The following PCDHGA6 variants were observed in gnomAD, a reference collection of about 807,000 sequenced individuals.
PCDHGA6 encodes the protein protocadherin gamma-A6.
PCDHGA6 carries 41 observed loss-of-function variants against 60.6 expected under a neutral mutation model. The ratio of observed to expected loss-of-function variants is 0.68; its 90% CI spans 0.53 to 0.88. PCDHGA6 has a LOEUF of 0.88. PCDHGA6 is among the 40% of genes least tolerant of loss of function. The pLI, the probability that PCDHGA6 is intolerant of heterozygous loss-of-function variation, is 0.00. For missense variants in PCDHGA6, 1,312 were observed against 1,203.0 expected (o/e 1.09, Z -1.34); for synonymous variants, 594 against 524.4 (o/e 1.13, Z -1.81).
chr5:141,403,956 T>A (rs375951516), intron 1 of PCDHGA6: 6 of 1,613,884 alleles, frequency 3.7e-6, no homozygotes, highest in Non-Finnish European at 5.1e-6. Flanking sequence ...AAAGTGCTCA[T>A]TTCGGTGGAA....
chr5:141,489,405 G>A lies in PCDHGA6; in HGVS notation c.2425-5402G>A. ...ATGTTGCTCAGGATCTGGGCTTAAA[G>A]ATGACAGATCTGTTGAGCCGGCGGC... On this transcript the variant is annotated intron_variant, in intron 1 of 3. Transcript: ENST00000517434. This position sits in a 1 kb window ranked among gnomAD's most constrained non-coding sequence, Gnocchi z 4.5. The A allele has an allele frequency of 1.2e-6, 2 of 1,614,204 alleles. No individual in the cohort carries two copies. The highest frequency in any genetic ancestry group is 2.2e-5 in the South Asian group (2 of 91,088).
chr5:141,394,458 A>T, intron 1 of PCDHGA6: 1 of 1,614,218 alleles, frequency 6.2e-7, no homozygotes, highest in Non-Finnish European at 8.5e-7. Context: ...CATGTCACTG[A>T]GCCTGTTCGT....
chr5:141,428,057 G>T, intron 1 of PCDHGA6: 1 of 1,609,044 alleles, frequency 6.2e-7, no homozygotes, highest in Non-Finnish European at 8.5e-7. Flanking sequence ...AGGTGGTGGC[G>T]GTGGACGCAG....
intron 2 of PCDHGA6, among the ~76,000 whole-genome samples, chr5:141,504,750 A>C (rs921495017): frequency 6.6e-6 from 1 of 151,894 alleles, no homozygotes; most frequent in Admixed American, 6.5e-5. Context: ...ATTGAATTTT[A>C]GAAATTTCTT....
At chr5:141,395,542 T>TTGTTTGTTTG (rs1267535064) in intron 1 of PCDHGA6, 1 of 168,708 alleles carries the variant, frequency 5.9e-6, no homozygotes, top group African/African-American at 5.7e-5. Context: ...TTGCTATTGT[T>TTGTTTGTTTG]TGTGTGTGTG....
intron 3 of PCDHGA6, chr5:141,507,000 TGA>T (rs1235660361): frequency 1.3e-5 from 2 of 152,218 alleles, no homozygotes; most frequent in African/African-American, 4.8e-5. Flanking sequence ...ACTCGACAGA[TGA>T]GAGAACCGAG....
intron 1 of PCDHGA6, chr5:141,405,001 C>A: frequency 1.9e-6 from 3 of 1,614,008 alleles, no homozygotes; most frequent in Non-Finnish European, 2.5e-6. Flanking sequence ...TCCCTGCAGA[C>A]CTGGAGGCCT....
chr5:141,410,849 C>G, intron 1 of PCDHGA6: 1 of 136,716 alleles, frequency 7.3e-6, no homozygotes, highest in Non-Finnish European at 1.2e-5. Flanking sequence ...TTGTCTTTGT[C>G]TTTTTTTTTT....
rs147674746 is a variant in PCDHGA6, at chr5:141,477,348, C to G, written c.2425-17459C>G. 7 of 1,614,180 alleles carry G rather than the reference C, an allele frequency of 4.3e-6. No individual in the cohort carries two copies. Among genetic ancestry groups the G allele is most frequent in the Non-Finnish European group, 5.9e-6 (7 of 1,180,030 alleles). ...CTCAAGAATTACTTCACTTTGAAAA[C>G]CAGTGCAGACCTGGATCGGGAGACT... is the stretch of plus-strand genomic sequence containing the variant. On this transcript the variant is annotated intron_variant, in intron 1 of 3. Transcript: ENST00000517434. The surrounding 1 kb of genome is among the most constrained non-coding windows in gnomAD (Gnocchi z 4.9).
At chr5:141,409,447 A>G (rs764648085) in intron 1 of PCDHGA6, 3 of 1,614,008 alleles carry the variant, frequency 1.9e-6, no homozygotes, top group Admixed American at 1.7e-5. Flanking sequence ...GAGAGCAGAC[A>G]CCAGAATACA....
intron 1 of PCDHGA6, chr5:141,420,414 T>C: frequency 8.2e-7 from 1 of 1,221,674 alleles, no homozygotes; most frequent in Non-Finnish European, 1.1e-6. Flanking sequence ...GTTATCATTA[T>C]TAAAACAAAA....
At chr5:141,453,101 TTTTTGTTTTG>T (rs879618609) in intron 1 of PCDHGA6, among the ~76,000 whole-genome samples, 16 of 152,130 alleles carry the variant, frequency 1.1e-4, no homozygotes, top group Middle Eastern at 3.4e-3. Flanking sequence ...TTCTGTTGCT[TTTTTGTTTTG>T]TTTTGTTTTG....
At chr5:141,442,158 A>T (rs966591795) in intron 1 of PCDHGA6, 1 of 157,594 alleles carries the variant, frequency 6.3e-6, no homozygotes, top group African/African-American at 2.4e-5. Context: ...CTCAGCGATC[A>T]CTCTGCAAAG....
intron 1 of PCDHGA6, chr5:141,427,786 C>G: frequency 1.4e-6 from 2 of 1,477,082 alleles, no homozygotes; most frequent in Non-Finnish European, 1.9e-6. Flanking sequence ...GCACTGTCGT[C>G]CTACGTGTCC....
chr5:141,484,552 G>T (rs2099597743), intron 1 of PCDHGA6, among the ~76,000 whole-genome samples: 1 of 152,138 alleles, frequency 6.6e-6, no homozygotes, highest in African/African-American at 2.4e-5. Context: ...CTAATTAGCA[G>T]TTGCTCCAAT....
intron 1 of PCDHGA6, among the ~76,000 whole-genome samples, chr5:141,467,758 C>CTCAA (rs933308513): frequency 6.6e-5 from 10 of 152,018 alleles, no homozygotes; most frequent in Admixed American, 5.9e-4. Flanking sequence ...GCCTCACATG[C>CTCAA]TCAAGTGCCC....
At chr5:141,378,264 C>T (rs1167989776) in intron 1 of PCDHGA6, 2 of 152,212 alleles carry the variant, frequency 1.3e-5, no homozygotes, top group Non-Finnish European at 1.5e-5. Flanking sequence ...GTGGCTCATG[C>T]CTGTAATCCC....
intron 1 of PCDHGA6, among the ~76,000 whole-genome samples, chr5:141,425,336 G>A (rs2096868804): frequency 6.6e-6 from 1 of 152,182 alleles, no homozygotes; most frequent in South Asian, 2.1e-4. Flanking sequence ...CAAAAAGGAA[G>A]GGTTGGCTTT....
rs758879836 is a variant in PCDHGA6 at position 141,400,006 on chromosome 5, G to A, written c.2424+23499G>A. 3 of 1,612,536 alleles carry A rather than the reference G, an allele frequency of 1.9e-6. No homozygotes were observed. The South Asian group carries it at 3.3e-5, about 18-fold the overall frequency. On this transcript the variant is annotated intron_variant, in intron 1 of 3. Coordinates refer to ENST00000517434, the MANE Select transcript of PCDHGA6 (RefSeq NM_018919.3). ...CACAGGAGAGGTGCGCACAGCGCGT[G>A]CCTTGGGCGACAGGGACGCGGCCCG...
Sources: gnomAD v4.1 joint callset for allele counts (sites outside exome capture counted in the v4.1 genomes callset) on GRCh38, gnomAD v4.1.1 for gene constraint, Gnocchi (gnomAD v3.1) non-coding constraint, MANE v1.5 for transcripts, NCBI Gene and HGNC (gene_info 2026-07-23, HGNC 2026-07-21) for gene names.